SMYD1: variants seen among roughly 807,000 people sequenced by gnomAD.
SMYD1 encodes histone-lysine N-methyltransferase SMYD1.
In SMYD1, 49 loss-of-function variants were observed where a neutral mutation model predicts 54.0. The ratio of observed to expected loss-of-function variants is 0.91; its 90% confidence interval spans 0.72 to 1.15. The LOEUF (loss-of-function observed/expected upper bound fraction) is 1.15, where lower values mean the gene tolerates loss of function less well. SMYD1 is among the 50% of genes most tolerant of loss of function. The probability of loss-of-function intolerance (pLI) is 0.00; values close to 1 mark genes in which losing one functional copy is unlikely to be tolerated. For missense variants in SMYD1, 653 were observed against 639.6 expected, an observed-to-expected ratio of 1.02 and a Z score of -0.23; for synonymous variants, 269 against 234.2, an observed-to-expected ratio of 1.15 and a Z score of -1.36.
chr2:88,073,576 A>G (rs1266385424), intron 1 of SMYD1, among the ~76,000 whole-genome samples: 1 of 152,194 alleles, frequency 6.6e-6, no homozygotes, highest in Non-Finnish European at 1.5e-5. Context: ...ATCTTCCCAT[A>G]TATCTCTGAT....
At chr2:88,110,234 T>TGTG in intron 9 of SMYD1, 120 bp from the exon 10 acceptor site, 1 of 1,021,428 alleles carries the variant, frequency 9.8e-7, no homozygotes, top group Non-Finnish European at 1.4e-6. Context: ...TGTGTGTGTG[T>TGTG]ATTCTGAGGG....
intron 1 of SMYD1, among the ~76,000 whole-genome samples, chr2:88,070,246 C>A (rs1673916185): frequency 6.6e-6 from 1 of 152,072 alleles, no homozygotes; most frequent in Non-Finnish European, 1.5e-5. Flanking sequence ...ATTTTAGGCT[C>A]CTGGTGAGGC....
intron 1 of SMYD1, among the ~76,000 whole-genome samples, chr2:88,075,109 TG>T (rs1355484643): frequency 6.6e-6 from 1 of 152,244 alleles, no homozygotes; most frequent in East Asian, 1.9e-4. Flanking sequence ...CTTAAATGTT[TG>T]CATTGGATGT....
intron 7 of SMYD1, among the ~76,000 whole-genome samples, chr2:88,104,500 C>T (rs907226109): frequency 5.9e-5 from 9 of 152,164 alleles, no homozygotes; most frequent in Non-Finnish European, 8.8e-5. Flanking sequence ...GGCTCCATTG[C>T]CCTGGGTTCT....
chr2:88,077,037 C>T (rs72845098), intron 1 of SMYD1, among the ~76,000 whole-genome samples: 10,561 of 150,634 alleles, frequency 0.07, 433 homozygotes, highest in South Asian at 0.14. Flanking sequence ...AAGACACTTC[C>T]CTCTAATTTT....
rs779230496 is a variant in SMYD1 at position 88,087,904 on chromosome 2, C to G, written c.357C>G (p.Thr119=). ...RIMWRVEREG[T]GLTEGCLVSV... The stretch of plus-strand genomic sequence containing the variant: ...TGTGGCGGGTGGAGAGAGAAGGCAC[C>G]GGGCTCACGGAGGGCTGCCTGGTGT... Residue 119 remains threonine, a synonymous_variant, in exon 3 of 10, where the codon ACC becomes ACG. Coordinates refer to ENST00000419482, the MANE Select transcript of SMYD1 (RefSeq NM_198274.4). 1.2e-6 allele frequency: 2 copies of G among 1,608,494 alleles called. No homozygotes were observed. Among genetic ancestry groups the G allele is most frequent in the South Asian group, 2.2e-5 (2 of 90,268 alleles).
intron 8 of SMYD1, among the ~76,000 whole-genome samples, chr2:88,106,989 G>A (rs2970919): frequency 0.25 from 38,511 of 151,844 alleles, 6,002 homozygotes; most frequent in East Asian, 0.52. Context: ...TCACGAGGTG[G>A]GGAGATAGAG....
intron 8 of SMYD1, among the ~76,000 whole-genome samples, chr2:88,107,042 A>G (rs1418759074): frequency 6.6e-6 from 1 of 151,326 alleles, no homozygotes; most frequent in Non-Finnish European, 1.5e-5. Flanking sequence ...CTATTAAAAA[A>G]TACAAAAAAT....
At chr2:88,073,546 G>A (rs1460415468) in intron 1 of SMYD1, among the ~76,000 whole-genome samples, 1 of 152,192 alleles carries the variant, frequency 6.6e-6, no homozygotes, top group Non-Finnish European at 1.5e-5. Context: ...TCAAGGGTGT[G>A]CTCTTCTTTT....
intron 6 of SMYD1, among the ~76,000 whole-genome samples, chr2:88,098,960 C>T (rs1674662347): frequency 6.6e-6 from 1 of 152,190 alleles, no homozygotes. Flanking sequence ...GAAATAAAAA[C>T]CAAATATTTT....
chr2:88,105,374 T>TACACACACACACACACAC (rs368510507), intron 7 of SMYD1, among the ~76,000 whole-genome samples: 2 of 146,632 alleles, frequency 1.4e-5, no homozygotes, highest in African/African-American at 5.1e-5. Flanking sequence ...TGCGCATGCA[T>TACACACACACACACACAC]ATATACACAC....
At chr2:88,102,654 C>CA (rs1674745776) in intron 6 of SMYD1, among the ~76,000 whole-genome samples, 1 of 152,132 alleles carries the variant, frequency 6.6e-6, no homozygotes, top group Admixed American at 6.5e-5. Context: ...TGGATGAAAA[C>CA]AAAAATGTAA....
rs1280714432 is a variant in SMYD1, at chr2:88,084,436, C to T, written c.258C>T (p.His86=). Residue 86 remains histidine (H), a synonymous_variant, in exon 2 of 10, where the codon CAC becomes CAT. Coordinates refer to ENST00000419482, the MANE Select transcript of SMYD1 (RefSeq NM_198274.4). ...GCCAGAAGGATGCTTGGCTGAACCA[C>T]AAGAATGAATGTTCGGCCATCAAGA... is the stretch of plus-strand genomic sequence containing the variant. ...RTCQKDAWLN[H]KNECSAIKRY... is the part of the protein sequence containing the mutation. 6.2e-7 allele frequency: 1 copy of T among 1,606,646 alleles called. No homozygotes were observed. The highest frequency in any genetic ancestry group is 8.5e-7 in the Non-Finnish European group (1 of 1,174,022).
chr2:88,099,169 C>T (rs1038862293), intron 6 of SMYD1, among the ~76,000 whole-genome samples: 14 of 152,076 alleles, frequency 9.2e-5, no homozygotes, highest in African/African-American at 3.4e-4. Context: ...TCACTGCAGC[C>T]TCGACTTTCT....
intron 7 of SMYD1, among the ~76,000 whole-genome samples, chr2:88,103,906 T>G (rs1674786166): frequency 6.6e-6 from 1 of 152,138 alleles, no homozygotes. Context: ...GCAACTCGAA[T>G]GTTAATGTCA....
intron 6 of SMYD1, among the ~76,000 whole-genome samples, chr2:88,096,997 A>T (rs75095812): frequency 0.014 from 2,195 of 152,276 alleles, 53 homozygotes; most frequent in African/African-American, 0.049. Context: ...AGTTTGGGGA[A>T]GTCACCCAGT....
chr2:88,091,281 A>T, intron 4 of SMYD1, 139 bp downstream of exon 4: 1 of 908,756 alleles, frequency 1.1e-6, no homozygotes, highest in Non-Finnish European at 1.6e-6. Flanking sequence ...TAGAAATCTC[A>T]TTCCAGAATA....
At chr2:88,074,164 G>A (rs1471025277) in intron 1 of SMYD1, among the ~76,000 whole-genome samples, 1 of 152,188 alleles carries the variant, frequency 6.6e-6, no homozygotes, top group Non-Finnish European at 1.5e-5. Flanking sequence ...CTAGGCACCT[G>A]GCCTTTAGTT....
Position 88,103,051 on chromosome 2 carries a change from T to C in SMYD1, c.889-7T>C, listed in dbSNP as rs1301934146. 1 of 1,613,610 alleles carries C rather than the reference T, an allele frequency of 6.2e-7. No homozygotes were observed. On this transcript the variant is annotated splice_polypyrimidine_tract_variant and splice_region_variant and intron_variant, in intron 6 of 9. Coordinates refer to ENST00000419482, the MANE Select transcript of SMYD1 (RefSeq NM_198274.4). ...CATCTCTAGCTCAATGTGTCTCTCT[T>C]TCCCAGCCCTCTCAGGAAGTGGTGA...
Sources: gnomAD v4.1 joint callset for allele counts (sites outside exome capture counted in the v4.1 genomes callset) on GRCh38, gnomAD v4.1.1 for gene constraint, MANE v1.5 for transcripts, NCBI Gene and HGNC (gene_info 2026-07-23, HGNC 2026-07-21) for gene names.